MGA: variants seen among roughly 807,000 people sequenced by gnomAD.
MGA encodes MAX gene-associated protein.
MGA carries 40 observed loss-of-function variants against 261.1 expected under a neutral mutation model. The ratio of observed to expected loss-of-function variants is 0.15; its 90% CI spans 0.12 to 0.20. The LOEUF (loss-of-function observed/expected upper bound fraction) is 0.20, where lower values mean the gene tolerates loss of function less well. Among genes scored for constraint, MGA ranks in the 10% least tolerant of loss-of-function variants. The pLI, the probability that MGA is intolerant of heterozygous loss-of-function variation, is 1.00. For missense variants in MGA, 3,397 were observed against 3,630.5 expected, an observed-to-expected ratio of 0.94 and a Z score of 1.65; for synonymous variants, 1,302 against 1,290.6, an observed-to-expected ratio of 1.01 and a Z score of -0.19.
rs562167656 is a variant in MGA, at chr15:41,749,642, C to T, written c.6035C>T (p.Ser2012Leu). The change falls in exon 17 of 24, where the codon TCA becomes TTA. Residue 2012 changes from serine to leucine, a missense_variant. Ser to Leu is a moderately radical substitution (Grantham distance 145). Transcript: ENST00000219905. ...GAGGCTAATGTAATAAAACAAAACT[C>T]AGGAGCTGCTACCTCAGAAGAAACT... is the stretch of plus-strand genomic sequence containing the variant. 6.2e-7 allele frequency: 1 copy of T among 1,613,970 alleles called. No individual in the cohort carries two copies. The highest frequency in any genetic ancestry group is 1.7e-5 in the Admixed American group (1 of 60,018).
chr15:41,736,175 C>A lies in MGA; in HGVS notation c.3917-6C>A. The stretch of plus-strand genomic sequence containing the variant: ...CTTTTTCTTTTTTATTATTATTTTA[C>A]ATCAGAAAAGAGCTGGAAGTCTTCC... On this transcript the variant is annotated splice_polypyrimidine_tract_variant and splice_region_variant and intron_variant, in intron 12 of 23. Coordinates refer to ENST00000219905, the MANE Select transcript of MGA (RefSeq NM_001164273.2). The A allele has an allele frequency of 6.6e-7, 1 of 1,520,630 alleles. No individual in the cohort carries two copies. Among genetic ancestry groups the A allele is most frequent in the Non-Finnish European group, 8.8e-7 (1 of 1,134,938 alleles). The allele number at this position is 1,520,630 out of a possible 1,614,324, so 94.2% of individuals were successfully genotyped here. A position where few individuals can be genotyped will look rare whatever the true frequency, so the allele number is the denominator to read the frequency against.
rs2061189330 is a variant in MGA, at chr15:41,725,695, C to T, written c.3431-1485C>T. ...CTAAAAATACAAAAAATTAGCCGGG[C>T]GTAGTGGCGGGCGCCTGTAGTCCCA... On this transcript the variant is annotated intron_variant, in intron 9 of 23. Coordinates refer to ENST00000219905, the MANE Select transcript of MGA (RefSeq NM_001164273.2). 4.8e-5 allele frequency among the ~76,000 whole-genome samples: 2 copies of T among 41,566 alleles called. 1 individual carries two copies. The highest frequency in any genetic ancestry group is 6.3e-4 in the Admixed American group (2 of 3,160). The allele number at this position is 41,566 out of a possible 152,430, so 27.3% of individuals were successfully genotyped here.
intron 3 of MGA, among the ~76,000 whole-genome samples, chr15:41,697,418 C>CTT (rs1204938099): frequency 0.017 from 2,303 of 132,792 alleles, 87 homozygotes; most frequent in African/African-American, 0.058. Flanking sequence ...TTTTTCTTTT[C>CTT]TTTTTTTTTT....
intron 11 of MGA, among the ~76,000 whole-genome samples, chr15:41,729,790 A>C (rs2061414581): frequency 6.6e-6 from 1 of 152,166 alleles, no homozygotes; most frequent in South Asian, 2.1e-4. Context: ...AGCTGCTATC[A>C]TGCCACTTTA....
chr15:41,674,369 T>C (rs949771929), intron 2 of MGA, among the ~76,000 whole-genome samples: 1 of 151,920 alleles, frequency 6.6e-6, no homozygotes, highest in Non-Finnish European at 1.5e-5. Context: ...CTAATTTTTT[T>C]GTATTTTCAG....
At chr15:41,650,363 A>G (rs2057017390) in intron 1 of MGA, among the ~76,000 whole-genome samples, 4 of 152,138 alleles carry the variant, frequency 2.6e-5, no homozygotes, top group African/African-American at 9.7e-5. Flanking sequence ...GTCAACTTCT[A>G]GACATTCTTT....
chr15:41,764,595 G>A (rs1199334445), intron 22 of MGA, among the ~76,000 whole-genome samples: 2 of 151,864 alleles, frequency 1.3e-5, no homozygotes, highest in Non-Finnish European at 2.9e-5. Context: ...TCAGGCTGGA[G>A]TGCAGTGTCT....
At chr15:41,763,349 C>G (rs1261543678) in intron 22 of MGA, among the ~76,000 whole-genome samples, 1 of 151,486 alleles carries the variant, frequency 6.6e-6, no homozygotes, top group Non-Finnish European at 1.5e-5. Context: ...GATCCGCCCA[C>G]CTCGGCCTCC....
chr15:41,668,915 T>G lies in MGA; in HGVS notation c.21T>G (p.Ile7Met), dbSNP rs138712718. The G allele has an allele frequency of 1.1e-3, 1,700 of 1,575,610 alleles. 21 individuals carry two copies. In the East Asian group the frequency reaches 0.027, roughly 25 times the overall value. ...AAATCATGGAGGAGAAACAGCAGAT[T>G]ATATTGGCTAATCAAGATGGTGGAA... is the stretch of plus-strand genomic sequence containing the variant. Residue 7 changes from isoleucine (I) to methionine (M), a missense_variant, in exon 2 of 24, where the codon ATT (isoleucine) becomes ATG (methionine). Physicochemically the swap from Ile to Met is conservative, Grantham distance 10. This residue lies in a region of MGA where 81 missense variants were observed against 84.3 expected (regional missense o/e 0.96). Transcript: ENST00000219905.
intron 2 of MGA, among the ~76,000 whole-genome samples, chr15:41,685,702 T>A (rs916161658): frequency 6.6e-5 from 10 of 152,150 alleles, no homozygotes; most frequent in African/African-American, 2.4e-4. Context: ...TAAAATAATT[T>A]TCCAGTTTTG....
At chr15:41,753,044 T>G (rs989120439) in intron 17 of MGA, among the ~76,000 whole-genome samples, 1 of 152,232 alleles carries the variant, frequency 6.6e-6, no homozygotes, top group East Asian at 1.9e-4. Context: ...ATTGGAATAC[T>G]GTGAGGGAAG....
At chr15:41,704,435 G>A (rs2060005647) in intron 5 of MGA, among the ~76,000 whole-genome samples, 3 of 152,184 alleles carry the variant, frequency 2.0e-5, no homozygotes, top group African/African-American at 7.2e-5. Context: ...CAAGGCGGGT[G>A]GATCACAAGG....
chr15:41,654,842 C>G (rs1231859604), intron 1 of MGA, among the ~76,000 whole-genome samples: 1 of 152,148 alleles, frequency 6.6e-6, no homozygotes, highest in Non-Finnish European at 1.5e-5. Context: ...TTTAGTAAAA[C>G]AAATTCACTG....
intron 16 of MGA, 29 bp downstream of exon 16, chr15:41,748,956 T>C: frequency 6.2e-7 from 1 of 1,603,690 alleles, no homozygotes; most frequent in Non-Finnish European, 8.5e-7. Context: ...TGAACTTTTC[T>C]TTTGTTGAAT....
At chr15:41,697,377 T>C (rs2059595117) in intron 3 of MGA, among the ~76,000 whole-genome samples, 1 of 151,920 alleles carries the variant, frequency 6.6e-6, no homozygotes, top group African/African-American at 2.4e-5. Context: ...TTGGTGACGC[T>C]CCATTTCTTT....
chr15:41,731,978 T>G (rs897301671), intron 11 of MGA, among the ~76,000 whole-genome samples: 5 of 152,188 alleles, frequency 3.3e-5, no homozygotes, highest in African/African-American at 9.6e-5. Context: ...CTACCTTATT[T>G]AACCATATGA....
At chr15:41,688,359 C>A (rs936099383) in intron 2 of MGA, among the ~76,000 whole-genome samples, 1 of 152,122 alleles carries the variant, frequency 6.6e-6, no homozygotes, top group Non-Finnish European at 1.5e-5. Flanking sequence ...CATGAGCCAC[C>A]GTGCCCAGCC....
Position 41,768,658 on chromosome 15 carries a change from G to C in MGA, c.*1378G>C, listed in dbSNP as rs1219274427. The C allele has an allele frequency of 6.6e-6, 1 of 152,570 alleles. No individual in the cohort carries two copies. The highest frequency in any genetic ancestry group is 1.9e-4 in the East Asian group (1 of 5,200). The allele number at this position is 152,570 out of a possible 1,614,324, so 9.5% of individuals were successfully genotyped here. On this transcript the variant is annotated 3_prime_UTR_variant, in exon 24 of 24. Coordinates refer to ENST00000219905, the MANE Select transcript of MGA (RefSeq NM_001164273.2). ...TGTTCTGTCTTCATTGACAGGATTT[G>C]CTTGTGTTGTTAAAACACTAACACA... is the stretch of plus-strand genomic sequence containing the variant.
intron 1 of MGA, among the ~76,000 whole-genome samples, chr15:41,626,130 C>T (rs1379463356): frequency 6.6e-6 from 1 of 152,080 alleles, no homozygotes. Flanking sequence ...AGGTTTTAGA[C>T]ATACACTGGG....
Sources: allele counts gnomAD v4.1 joint callset (sites outside exome capture counted in the v4.1 genomes callset), GRCh38; gene constraint gnomAD v4.1.1; regional missense constraint gnomAD v4.1.1; transcripts MANE v1.5; gene names NCBI Gene and HGNC (gene_info 2026-07-23, HGNC 2026-07-21).